Variants in ISM1 observed in about 807,000 individuals in gnomAD.
ISM1 encodes the protein isthmin 1.
In ISM1, 25 loss-of-function variants were observed where a neutral mutation model predicts 46.3. The ratio of observed to expected loss-of-function variants is 0.54; its 90% CI spans 0.39 to 0.75. The LOEUF (loss-of-function observed/expected upper bound fraction) is 0.75. Among genes scored for constraint, ISM1 ranks in the 30% least tolerant of loss-of-function variants. The pLI, the probability that ISM1 is intolerant of heterozygous loss-of-function variation, is 0.00. For synonymous variants in ISM1, 255 were observed against 256.7 expected (o/e 0.99, Z 0.06); for missense variants, 536 against 625.4 (o/e 0.86, Z 1.52).
At chr20:13,260,243 C>T (rs796926486) in intron 1 of ISM1, among the ~76,000 whole-genome samples, 53 of 152,248 alleles carry the variant, frequency 3.5e-4, no homozygotes, top group African/African-American at 1.2e-3. Flanking sequence ...TTTACAGTGT[C>T]GGGGGGTCCT....
At chr20:13,273,840 G>A (rs6109790) in intron 2 of ISM1, among the ~76,000 whole-genome samples, 1 of 151,716 alleles carries the variant, frequency 6.6e-6, no homozygotes, top group Non-Finnish European at 1.5e-5. Flanking sequence ...AATCCCTATC[G>A]GTTAATTTTC....
chr20:13,246,844 C>T (rs2039800028), intron 1 of ISM1, among the ~76,000 whole-genome samples: 1 of 152,128 alleles, frequency 6.6e-6, no homozygotes, highest in South Asian at 2.1e-4. Context: ...AATTTAGAGT[C>T]ACTTGATAAC....
chr20:13,250,210 G>T (rs1405595931), intron 1 of ISM1, among the ~76,000 whole-genome samples: 2 of 152,100 alleles, frequency 1.3e-5, no homozygotes, highest in Non-Finnish European at 2.9e-5. Context: ...GATGGCCTAG[G>T]TTTCAAATAT....
chr20:13,275,954 G>A (rs543788007), intron 2 of ISM1, among the ~76,000 whole-genome samples: 4 of 152,318 alleles, frequency 2.6e-5, no homozygotes, highest in Middle Eastern at 3.4e-3. Context: ...TGCCTAGATT[G>A]GCGTGCTGCA....
At position 13,299,066 on chromosome 20, in the gene ISM1, G is replaced by T. The variant is rs752266127; in HGVS notation, c.1002G>T (p.Thr334=). ...CSYPTEVAYS[T]ADIFDRIKRK... is the part of the protein sequence containing the mutation. ...ACCCCACTGAGGTGGCCTACAGCAC[G>T]GCCGACATCTTCGACCGCATCAAGC... is the stretch of plus-strand genomic sequence containing the variant. The change falls in exon 6 of 6, where the codon ACG becomes ACT. Residue 334 remains threonine, a synonymous_variant. Transcript: ENST00000262487. This position sits in a 1 kb window ranked among gnomAD's most constrained non-coding sequence, Gnocchi z 5.8. 6.2e-7 allele frequency: 1 copy of T among 1,613,788 alleles called. No homozygotes were observed.
intron 1 of ISM1, among the ~76,000 whole-genome samples, chr20:13,232,571 T>C (rs1055517306): frequency 3.9e-5 from 6 of 152,264 alleles, no homozygotes; most frequent in Admixed American, 2.6e-4. Flanking sequence ...TTGGCAACTA[T>C]TAAAGATGCT....
chr20:13,225,011 AATTTTTTTT>A (rs2039502398), intron 1 of ISM1, among the ~76,000 whole-genome samples: 1 of 132,260 alleles, frequency 7.6e-6, no homozygotes, highest in Non-Finnish European at 1.7e-5. Flanking sequence ...ACGCCCGGCT[AATTTTTTTT>A]TTTTTTGTAT....
At chr20:13,308,932 A>G in the ISM1 span, among the ~76,000 whole-genome samples, 1 of 152,052 alleles carries the variant, frequency 6.6e-6, no homozygotes, top group Non-Finnish European at 1.5e-5. Flanking sequence ...GCAGTCTATA[A>G]ACCAGAAGAG....
At chr20:13,292,215 C>T (rs974044368) in intron 4 of ISM1, among the ~76,000 whole-genome samples, 159 bp from the exon 5 acceptor site, 1 of 152,176 alleles carries the variant, frequency 6.6e-6, no homozygotes, top group Non-Finnish European at 1.5e-5. Flanking sequence ...GCACTACGAC[C>T]TGCTTTTTAC....
intron 1 of ISM1, among the ~76,000 whole-genome samples, chr20:13,259,713 C>G (rs763912678): frequency 3.3e-5 from 5 of 152,190 alleles, no homozygotes; most frequent in Non-Finnish European, 7.3e-5. Context: ...TCTATATCTA[C>G]AGAATGAAAA....
chr20:13,306,140 T>C, the ISM1 span, among the ~76,000 whole-genome samples: 2 of 152,240 alleles, frequency 1.3e-5, no homozygotes, highest in Non-Finnish European at 2.9e-5. Context: ...AATTCATGGA[T>C]GATTTTCAAA....
chr20:13,281,704 T>C (rs1198007779), intron 3 of ISM1, among the ~76,000 whole-genome samples: 1 of 152,098 alleles, frequency 6.6e-6, no homozygotes, highest in Non-Finnish European at 1.5e-5. Context: ...GTGCTTAGGT[T>C]GGAAGATAGG....
chr20:13,230,676 A>G (rs1049657743), intron 1 of ISM1, among the ~76,000 whole-genome samples: 2 of 151,578 alleles, frequency 1.3e-5, no homozygotes, highest in Non-Finnish European at 2.9e-5. Flanking sequence ...TAGAGATGGG[A>G]TGGGGGTGTC....
At position 13,289,933 on chromosome 20, in the gene ISM1, C is replaced by A. The variant is rs533357779; in HGVS notation, c.787+1250C>A. On this transcript the variant is annotated intron_variant, in intron 4 of 5. Coordinates refer to ENST00000262487, the MANE Select transcript of ISM1 (RefSeq NM_080826.2). ...ATCTGATCCTTACACCCCAGACTTC[C>A]TTTTTCTACCTTAGACACTCAGTTC... Among the ~76,000 whole-genome samples, 27 of 152,264 alleles carry A rather than the reference C, an allele frequency of 1.8e-4. No homozygotes were observed. The South Asian group carries it at 5.4e-3, about 30-fold the overall frequency.
chr20:13,223,499 C>T (rs2039476991), intron 1 of ISM1, among the ~76,000 whole-genome samples: 1 of 152,192 alleles, frequency 6.6e-6, no homozygotes, highest in African/African-American at 2.4e-5. Context: ...AAAGTTCAGA[C>T]ATTCCAAACT....
At chr20:13,321,090 T>C in the ISM1 span, among the ~76,000 whole-genome samples, 8 of 151,238 alleles carry the variant, frequency 5.3e-5, no homozygotes, top group Non-Finnish European at 8.8e-5. Flanking sequence ...TCCCAGCAAC[T>C]CAGGAGGCTG....
chr20:13,224,252 T>C (rs2039487422), intron 1 of ISM1, among the ~76,000 whole-genome samples: 1 of 152,186 alleles, frequency 6.6e-6, no homozygotes, highest in African/African-American at 2.4e-5. Context: ...TTGTAATTTG[T>C]TATTATAAAA....
rs72361165 is a variant in ISM1 at position 13,235,927 on chromosome 20, C to CTTT, written c.138+14017_138+14019dup. 4.2e-3 allele frequency among the ~76,000 whole-genome samples: 621 copies of CTTT among 149,556 alleles called. 7 individuals are homozygous for CTTT. Among genetic ancestry groups the CTTT allele is most frequent in the African/African-American group, 0.011 (437 of 40,270 alleles). On this transcript the variant is annotated intron_variant, in intron 1 of 5. Coordinates refer to ENST00000262487, the MANE Select transcript of ISM1 (RefSeq NM_080826.2). Reference sequence around the variant, plus strand: ...TCTGTGCATAGTATATTGTACTTCCCTTTTTTCTTTTTTTTGAAATGGAGT... The same window carrying CTTT: ...TCTGTGCATAGTATATTGTACTTCCCTTTTTTTTTCTTTTTTTTGAAATGGAGT...
At chr20:13,290,466 G>A (rs760743251) in intron 4 of ISM1, among the ~76,000 whole-genome samples, 27 of 152,124 alleles carry the variant, frequency 1.8e-4, no homozygotes, top group Non-Finnish European at 3.4e-4. Flanking sequence ...TGGCTAACAC[G>A]GTGAAATGCC....
Sources: allele counts gnomAD v4.1 joint callset (sites outside exome capture counted in the v4.1 genomes callset), GRCh38; gene constraint gnomAD v4.1.1; non-coding constraint Gnocchi (gnomAD v3.1); transcripts MANE v1.5; gene names NCBI Gene and HGNC (gene_info 2026-07-23, HGNC 2026-07-21).